Variants in LSAMP observed in about 807,000 individuals in gnomAD.
LSAMP encodes the protein limbic system-associated membrane protein.
A neutral mutation model predicts 38.6 loss-of-function variants in LSAMP; 7 were observed. The observed-to-expected ratio is 0.18, with a 90% CI of 0.10 to 0.34. The LOEUF (loss-of-function observed/expected upper bound fraction) is 0.34. Among genes scored for constraint, LSAMP ranks in the 10% least tolerant of loss-of-function variants. The pLI is 1.00. For missense variants in LSAMP, 313 were observed against 420.0 expected (o/e 0.75, Z 2.23); for synonymous variants, 154 against 166.8 (o/e 0.92, Z 0.59).
chr3:116,254,351 T>C (rs2046722993), intron 1 of LSAMP, among the ~76,000 whole-genome samples: 1 of 151,758 alleles, frequency 6.6e-6, no homozygotes, highest in South Asian at 2.1e-4. Context: ...AAATATGATG[T>C]AATGTGGCCA....
intron 1 of LSAMP, among the ~76,000 whole-genome samples, chr3:116,115,239 G>T (rs942228338): frequency 4.6e-5 from 7 of 152,220 alleles, no homozygotes; most frequent in African/African-American, 1.7e-4. Flanking sequence ...AAGGGTAAAG[G>T]CCAGAATTTG....
At chr3:115,830,958 G>A (rs541146787) in intron 6 of LSAMP, among the ~76,000 whole-genome samples, 23 of 152,320 alleles carry the variant, frequency 1.5e-4, no homozygotes, top group Non-Finnish European at 2.8e-4. Context: ...ATGCCAGGAC[G>A]ACTTCAGATT....
chr3:115,837,446 CGCTG>C (rs1934830390), intron 6 of LSAMP, among the ~76,000 whole-genome samples: 2 of 119,518 alleles, frequency 1.7e-5, no homozygotes, highest in South Asian at 4.3e-4. Context: ...CTAGACCAAA[CGCTG>C]ACTACTAGGC....
intron 1 of LSAMP, among the ~76,000 whole-genome samples, chr3:116,266,316 C>T (rs1453187775): frequency 1.3e-5 from 2 of 152,124 alleles, no homozygotes; most frequent in Non-Finnish European, 2.9e-5. Context: ...TTCTACTCTT[C>T]ACATGGCTGT....
chr3:116,273,707 T>TATATATATATATATACACAC (rs1307543165), intron 1 of LSAMP, among the ~76,000 whole-genome samples: 7 of 102,608 alleles, frequency 6.8e-5, no homozygotes, highest in East Asian at 5.7e-4. Context: ...TATATATATA[T>TATATATATATATATACACAC]ACACACACAC....
intron 1 of LSAMP, among the ~76,000 whole-genome samples, chr3:116,314,387 C>A (rs1394808552): frequency 1.3e-5 from 2 of 152,146 alleles, no homozygotes; most frequent in Non-Finnish European, 2.9e-5. Context: ...TCAAGAAACT[C>A]CTGGTAGAAC....
intron 1 of LSAMP, among the ~76,000 whole-genome samples, chr3:116,190,776 C>T (rs1370777562): frequency 6.6e-6 from 1 of 152,106 alleles, no homozygotes; most frequent in Admixed American, 6.5e-5. Context: ...CCCTTAGATG[C>T]CTTCTGAGGC....
chr3:116,210,056 G>T (rs1309026926), intron 1 of LSAMP, among the ~76,000 whole-genome samples: 1 of 152,114 alleles, frequency 6.6e-6, no homozygotes. Context: ...GCCCGGCCGA[G>T]ATTTTATATT....
intron 1 of LSAMP, among the ~76,000 whole-genome samples, chr3:116,214,453 T>C (rs1042307025): frequency 6.6e-6 from 1 of 151,640 alleles, no homozygotes; most frequent in Non-Finnish European, 1.5e-5. Context: ...AGGCCCTGAG[T>C]TTTCTGTTTA....
chr3:116,000,666 G>C (rs745964262), intron 3 of LSAMP, among the ~76,000 whole-genome samples: 2 of 152,148 alleles, frequency 1.3e-5, no homozygotes. Context: ...GAGGAAAGAC[G>C]ATATTGGCTC....
At chr3:115,853,013 C>T (rs1306687604) in intron 3 of LSAMP, among the ~76,000 whole-genome samples, 2 of 152,140 alleles carry the variant, frequency 1.3e-5, no homozygotes, top group East Asian at 3.9e-4. Context: ...CATGCACTCA[C>T]TCGTCGCTGG....
intron 3 of LSAMP, among the ~76,000 whole-genome samples, chr3:115,879,184 A>C (rs1342416175): frequency 2.6e-5 from 4 of 152,144 alleles, no homozygotes; most frequent in Non-Finnish European, 5.9e-5. Context: ...CAAGCAAGTA[A>C]ATGGGTTCAG....
intron 1 of LSAMP, among the ~76,000 whole-genome samples, chr3:116,280,154 G>T (rs138328338): frequency 1.3e-5 from 2 of 152,264 alleles, no homozygotes; most frequent in East Asian, 1.9e-4. Flanking sequence ...CAAAAAAATA[G>T]AAAGTACAGT....
intron 1 of LSAMP, among the ~76,000 whole-genome samples, chr3:116,323,375 T>A (rs920902472): frequency 6.6e-6 from 1 of 152,088 alleles, no homozygotes; most frequent in Non-Finnish European, 1.5e-5. Flanking sequence ...GAGTATCAAG[T>A]CATGGGTTCT....
chr3:116,077,250 C>G (rs9882223), intron 2 of LSAMP, among the ~76,000 whole-genome samples: 1 of 151,638 alleles, frequency 6.6e-6, no homozygotes, highest in Non-Finnish European at 1.5e-5. Context: ...ACTAATGTTA[C>G]GTAATAATAA....
At chr3:115,895,210 A>T (rs1206854484) in intron 3 of LSAMP, among the ~76,000 whole-genome samples, 1 of 152,098 alleles carries the variant, frequency 6.6e-6, no homozygotes, top group East Asian at 1.9e-4. Flanking sequence ...TTATCAGAGC[A>T]GTTCAATCTC....
chr3:116,290,890 T>C (rs1422143154), intron 1 of LSAMP, among the ~76,000 whole-genome samples: 1 of 151,982 alleles, frequency 6.6e-6, no homozygotes. Context: ...AAGCCAATGT[T>C]CTCTTAAAAA....
At chr3:116,286,586 C>T (rs1245088153) in intron 1 of LSAMP, among the ~76,000 whole-genome samples, 1 of 152,116 alleles carries the variant, frequency 6.6e-6, no homozygotes, top group East Asian at 1.9e-4. Context: ...CACCCTCCTC[C>T]AGCTTTTTAT....
chr3:115,895,712 T>C (rs900370505), intron 3 of LSAMP, among the ~76,000 whole-genome samples: 8 of 152,070 alleles, frequency 5.3e-5, no homozygotes, highest in Non-Finnish European at 1.0e-4. Context: ...TATTTATTCC[T>C]GGCAGAATAC....
Sources: gnomAD v4.1 joint callset for allele counts (sites outside exome capture counted in the v4.1 genomes callset) on GRCh38, gnomAD v4.1.1 for gene constraint, MANE v1.5 for transcripts, NCBI Gene and HGNC (gene_info 2026-07-23, HGNC 2026-07-21) for gene names.